PPP2CB: variants seen among roughly 807,000 people sequenced by gnomAD.
The protein encoded by PPP2CB is serine/threonine-protein phosphatase 2A catalytic subunit beta isoform.
In PPP2CB, 18 loss-of-function variants were observed where a neutral mutation model predicts 39.1. The observed-to-expected ratio is 0.46, with a 90% CI of 0.32 to 0.68. The LOEUF is 0.68. PPP2CB is among the 30% of genes least tolerant of loss of function. The probability of loss-of-function intolerance (pLI) is 0.04; values close to 1 mark genes in which losing one functional copy is unlikely to be tolerated. For missense variants in PPP2CB, 226 were observed against 396.9 expected, an observed-to-expected ratio of 0.57 and a Z score of 3.66; for synonymous variants, 129 against 133.8, an observed-to-expected ratio of 0.96 and a Z score of 0.25.
chr8:30,792,360 C>A (rs1806452744), intron 5 of PPP2CB, among the ~76,000 whole-genome samples: 3 of 150,870 alleles, frequency 2.0e-5, no homozygotes, highest in Admixed American at 6.6e-5. Context: ...AGCTCATTAG[C>A]TATATTTTTG....
intron 5 of PPP2CB, among the ~76,000 whole-genome samples, chr8:30,792,274 C>T (rs569632982): frequency 6.7e-6 from 1 of 149,540 alleles, no homozygotes; most frequent in East Asian, 2.0e-4. Flanking sequence ...AGGCTGGTCT[C>T]GAACTCCTGA....
At chr8:30,791,829 T>C (rs1806435305) in intron 5 of PPP2CB, among the ~76,000 whole-genome samples, 1 of 151,850 alleles carries the variant, frequency 6.6e-6, no homozygotes, top group African/African-American at 2.4e-5. Flanking sequence ...AATTAATGTA[T>C]GTGTATATAC....
At chr8:30,792,482 T>C (rs1663360025) in intron 5 of PPP2CB, among the ~76,000 whole-genome samples, 1 of 152,156 alleles carries the variant, frequency 6.6e-6, no homozygotes, top group Non-Finnish European at 1.5e-5. Flanking sequence ...CTCACCCTTT[T>C]GCCCAGGCTG....
intron 1 of PPP2CB, among the ~76,000 whole-genome samples, chr8:30,809,456 A>T (rs1407232374): frequency 6.6e-6 from 1 of 152,170 alleles, no homozygotes; most frequent in Non-Finnish European, 1.5e-5. Flanking sequence ...ATACATACAC[A>T]AACCACAAAG....
intron 3 of PPP2CB, among the ~76,000 whole-genome samples, 193 bp downstream of exon 3, chr8:30,797,388 A>G (rs930574714): frequency 6.6e-6 from 1 of 152,224 alleles, no homozygotes; most frequent in Non-Finnish European, 1.5e-5. Flanking sequence ...GAACAACAGG[A>G]AAATTTGCTG....
At chr8:30,792,034 A>G (rs1043303634) in intron 5 of PPP2CB, among the ~76,000 whole-genome samples, 1 of 151,586 alleles carries the variant, frequency 6.6e-6, no homozygotes, top group Non-Finnish European at 1.5e-5. Flanking sequence ...ATATGTATAC[A>G]TATATATACA....
At chr8:30,797,849 T>A in intron 2 of PPP2CB, 95 bp from the exon 3 acceptor site, 1 of 1,227,738 alleles carries the variant, frequency 8.1e-7, no homozygotes, top group East Asian at 2.5e-5. Flanking sequence ...AACACGGCGC[T>A]TTTGGCCACC....
chr8:30,785,960 T>C lies in PPP2CB; in HGVS notation c.*275A>G. ...GAGATGAAGCAGTTAGTTACCTTTTTTGCTTGAACAGTCCAAAGGAAAATG... is the reference window on the plus strand; with the variant it reads ...GAGATGAAGCAGTTAGTTACCTTTTCTGCTTGAACAGTCCAAAGGAAAATG... On this transcript the variant is annotated 3_prime_UTR_variant, in exon 7 of 7. Coordinates refer to ENST00000221138, the MANE Select transcript of PPP2CB (RefSeq NM_001009552.2). The C allele has an allele frequency of 1.7e-6, 1 of 576,768 alleles. No individual in the cohort carries two copies. Among genetic ancestry groups the C allele is most frequent in the Non-Finnish European group, 3.3e-6 (1 of 307,106 alleles). The allele number at this position is 576,768 out of a possible 1,614,324, so 35.7% of individuals were successfully genotyped here. A position where few individuals can be genotyped will look rare whatever the true frequency, so the allele number is the denominator to read the frequency against.
chr8:30,811,734 T>C (rs1385615287), intron 1 of PPP2CB, among the ~76,000 whole-genome samples: 1 of 152,040 alleles, frequency 6.6e-6, no homozygotes, highest in Non-Finnish European at 1.5e-5. Flanking sequence ...ACTCCTGGGC[T>C]CAAGCAATCC....
rs1675728492 is a variant in PPP2CB at position 30,788,595 on chromosome 8, C to G, written c.858-2288G>C. Among the ~76,000 whole-genome samples, 5 of 152,190 alleles carry G rather than the reference C, an allele frequency of 3.3e-5. 1 individual carries two copies. The South Asian group carries it at 1.0e-3, about 31-fold the overall frequency. On this transcript the variant is annotated intron_variant, in intron 6 of 6. Transcript: ENST00000221138. ...CATTTCCTTGTGTTTGGAGAATATC[C>G]TTTTAAGAATCTAATCTTCTTAAAT...
At position 30,812,768 on chromosome 8, in the gene PPP2CB, G is replaced by A. The variant is rs1374280810; in HGVS notation, c.-347C>T. The stretch of plus-strand genomic sequence containing the variant: ...ACGAAGGCCGCCCGCTGCCGCTTCA[G>A]GCCCGCCTCACGCCTACCGGCCTCT... On this transcript the variant is annotated 5_prime_UTR_variant, in exon 1 of 7. Transcript: ENST00000221138. The A allele has an allele frequency of 2.1e-6, 1 of 469,038 alleles. No homozygotes were observed. The highest frequency in any genetic ancestry group is 4.2e-6 in the Non-Finnish European group (1 of 235,342). 29.1% of individuals were successfully genotyped at this position (469,038 alleles called of 1,614,324 possible). A position where few individuals can be genotyped will look rare whatever the true frequency, so the allele number is the denominator to read the frequency against.
At chr8:30,798,235 C>T (rs1563215793) in intron 2 of PPP2CB, among the ~76,000 whole-genome samples, 1 of 152,106 alleles carries the variant, frequency 6.6e-6, no homozygotes, top group Admixed American at 6.6e-5. Context: ...CAAAAACAGG[C>T]CCTTGACAAA....
Position 30,799,594 on chromosome 8 carries a change from G to A in PPP2CB, c.264C>T (p.Asp88=), listed in dbSNP as rs921558249. Reference sequence around the variant, plus strand: ...CAGTCTCCACTGAATAATATCCTCTGTCTACATAGTCACCCATGAATAAGT... The same window carrying A: ...CAGTCTCCACTGAATAATATCCTCTATCTACATAGTCACCCATGAATAAGT... ...TNYLFMGDYV[D]RGYYSVETVT... is the part of the protein sequence containing the mutation. Residue 88 remains aspartate, a synonymous_variant, in exon 2 of 7, where the codon GAC becomes GAT. Coordinates refer to ENST00000221138, the MANE Select transcript of PPP2CB (RefSeq NM_001009552.2). 5 of 1,613,768 alleles carry A rather than the reference G, an allele frequency of 3.1e-6. No individual in the cohort carries two copies. Among genetic ancestry groups the A allele is most frequent in the Non-Finnish European group, 3.4e-6 (4 of 1,179,818 alleles).
At chr8:30,812,293 C>T in intron 1 of PPP2CB, 27 bp downstream of exon 1, 5 of 1,481,882 alleles carry the variant, frequency 3.4e-6, no homozygotes, top group Non-Finnish European at 4.5e-6. Flanking sequence ...CCCCGCGCTC[C>T]CGCACTCGCC....
At chr8:30,789,081 T>A (rs1206036515) in intron 6 of PPP2CB, among the ~76,000 whole-genome samples, 1 of 151,846 alleles carries the variant, frequency 6.6e-6, no homozygotes, top group Admixed American at 6.6e-5. Flanking sequence ...TTCACTTTTG[T>A]TGCCCAGGCT....
intron 1 of PPP2CB, among the ~76,000 whole-genome samples, chr8:30,801,218 A>AG (rs1282498519): frequency 2.0e-5 from 3 of 151,574 alleles, no homozygotes; most frequent in Admixed American, 6.6e-5. Context: ...AAGAAAAAAA[A>AG]GGCAACAACA....
At chr8:30,795,551 T>A (rs1007945212) in intron 3 of PPP2CB, among the ~76,000 whole-genome samples, 1 of 152,232 alleles carries the variant, frequency 6.6e-6, no homozygotes, top group Non-Finnish European at 1.5e-5. Flanking sequence ...TTGGTCTGAT[T>A]TTATTTTTCT....
chr8:30,787,769 A>G (rs570087423), intron 6 of PPP2CB, among the ~76,000 whole-genome samples: 3 of 152,232 alleles, frequency 2.0e-5, no homozygotes, highest in East Asian at 3.9e-4. Flanking sequence ...AGGTCCTGCT[A>G]TGTTGTCCAG....
chr8:30,797,207 G>A (rs1806541882), intron 3 of PPP2CB, among the ~76,000 whole-genome samples: 1 of 152,140 alleles, frequency 6.6e-6, no homozygotes, highest in South Asian at 2.1e-4. Flanking sequence ...GAAATGAAAA[G>A]TTATTCATGG....
Sources: gnomAD v4.1 joint callset for allele counts (sites outside exome capture counted in the v4.1 genomes callset) on GRCh38, gnomAD v4.1.1 for gene constraint, MANE v1.5 for transcripts, NCBI Gene and HGNC (gene_info 2026-07-23, HGNC 2026-07-21) for gene names.